IKZF3: variants seen among roughly 807,000 people sequenced by gnomAD.
IKZF3 encodes zinc finger protein Aiolos.
Under a neutral mutation model 49.0 loss-of-function variants are expected in IKZF3, and 10 were observed. The ratio of observed to expected loss-of-function variants is 0.20; its 90% CI spans 0.13 to 0.35. The LOEUF (loss-of-function observed/expected upper bound fraction) is 0.35, where lower values mean the gene tolerates loss of function less well. IKZF3 is among the 10% of genes least tolerant of loss of function. The probability of loss-of-function intolerance (pLI) is 1.00; values close to 1 mark genes in which losing one functional copy is unlikely to be tolerated. For synonymous variants in IKZF3, 209 were observed against 228.2 expected (o/e 0.92, Z 0.76); for missense variants, 498 against 664.8 (o/e 0.75, Z 2.76).
Position 39,791,608 on chromosome 17 carries a change from T to C in IKZF3, c.425-25A>G, listed in dbSNP as rs759424332. On this transcript the variant is annotated intron_variant, in intron 4 of 7. Transcript: ENST00000346872. ...CCTTTAAAAAGGACAAAAAAGGAGA[T>C]TTCTGGTCACAGGCAAGTGGAGAAA... 5.6e-6 allele frequency: 9 copies of C among 1,612,394 alleles called. No individual in the cohort carries two copies. In the South Asian group the frequency reaches 8.8e-5, roughly 16 times the overall value.
chr17:39,798,773 G>A (rs34872040), intron 3 of IKZF3, among the ~76,000 whole-genome samples: 2,985 of 152,144 alleles, frequency 0.02, 101 homozygotes, highest in African/African-American at 0.069. Flanking sequence ...CCAAAGTGCT[G>A]GGATTACAGG....
At chr17:39,836,031 AG>A in intron 1 of IKZF3, 1 of 635,750 alleles carries the variant, frequency 1.6e-6, no homozygotes, top group Non-Finnish European at 2.9e-6. Flanking sequence ...CTGCTGCCGC[AG>A]GAGGCTCTAC....
intron 3 of IKZF3, among the ~76,000 whole-genome samples, chr17:39,826,197 C>G (rs2061951967): frequency 6.6e-6 from 1 of 152,174 alleles, no homozygotes; most frequent in South Asian, 2.1e-4. Flanking sequence ...CATATGCCAC[C>G]ATGCCTAGCT....
At chr17:39,852,959 AG>A (rs1386594109) in intron 1 of IKZF3, among the ~76,000 whole-genome samples, 1 of 152,048 alleles carries the variant, frequency 6.6e-6, no homozygotes, top group Non-Finnish European at 1.5e-5. Context: ...TGACAGAGTG[AG>A]ACTACATCTC....
rs905195326 is a variant in IKZF3, at chr17:39,864,233, G to A, written c.-107C>T. ...GCAGCTGGCGGGAGATTCCCGGCGCGGGGAGTCCCCGGGATCCGGCAGCCG... is the reference window on the plus strand; with the variant it reads ...GCAGCTGGCGGGAGATTCCCGGCGCAGGGAGTCCCCGGGATCCGGCAGCCG... On this transcript the variant is annotated 5_prime_UTR_variant, in exon 1 of 8. Coordinates refer to ENST00000346872, the MANE Select transcript of IKZF3 (RefSeq NM_012481.5). The A allele has an allele frequency of 3.9e-5, 52 of 1,347,032 alleles. No individual in the cohort carries two copies. In the African/African-American group the frequency reaches 7.0e-4, roughly 18 times the overall value. 83.4% of individuals were successfully genotyped at this position (1,347,032 alleles called of 1,614,324 possible).
rs2062046704 is a variant in IKZF3, at chr17:39,829,414, G to T, written c.136C>A (p.Pro46Thr). ...CCTATGTCTTCATCTTCATTGGCTG[G>T]GCCTTCTCCACTGTCCACATTTTCC... Reference protein sequence around the residue: ...EMENVDSGEGPANEDEDIGDD... With the variant: ...EMENVDSGEGTANEDEDIGDD... Residue 46 changes from proline to threonine, a missense_variant, in exon 3 of 8, where the codon CCA becomes ACA. By Grantham distance (38) the Pro-to-Thr change is conservative. Around this residue, in one of 3 missense-constraint regions of IKZF3, gnomAD observed 97 missense variants for 98.9 expected, o/e 0.98. Coordinates refer to ENST00000346872, the MANE Select transcript of IKZF3 (RefSeq NM_012481.5). The T allele has an allele frequency of 6.2e-7, 1 of 1,613,492 alleles. No individual in the cohort carries two copies. Among genetic ancestry groups the T allele is most frequent in the Admixed American group, 1.7e-5 (1 of 59,984 alleles).
chr17:39,852,427 G>C (rs1453476280), intron 1 of IKZF3, among the ~76,000 whole-genome samples: 2 of 152,096 alleles, frequency 1.3e-5, no homozygotes, highest in Admixed American at 6.5e-5. Context: ...CACACTCTTT[G>C]TCCTTATCTT....
intron 1 of IKZF3, among the ~76,000 whole-genome samples, chr17:39,838,647 G>T (rs956335723): frequency 6.6e-6 from 1 of 151,946 alleles, no homozygotes; most frequent in African/African-American, 2.4e-5. Flanking sequence ...GTTCTTGTCT[G>T]CCAGTTCCAT....
chr17:39,790,661 GA>G (rs1333582708), intron 5 of IKZF3, among the ~76,000 whole-genome samples: 1 of 151,362 alleles, frequency 6.6e-6, no homozygotes, highest in Admixed American at 6.6e-5. Flanking sequence ...TCTAAATCTT[GA>G]AAAAAAAGTA....
chr17:39,850,936 CGTGT>C (rs1568065555), intron 1 of IKZF3, among the ~76,000 whole-genome samples: 3 of 128,150 alleles, frequency 2.3e-5, no homozygotes, highest in Non-Finnish European at 4.7e-5. Flanking sequence ...ATTATATATA[CGTGT>C]ATATATTATA....
intron 1 of IKZF3, among the ~76,000 whole-genome samples, chr17:39,853,600 C>T (rs913690061): frequency 8.5e-5 from 13 of 152,116 alleles, no homozygotes; most frequent in African/African-American, 2.9e-4. Context: ...CTTTGGGAGG[C>T]CAAGGCAGGT....
At chr17:39,797,324 C>A (rs1381139076) in intron 3 of IKZF3, among the ~76,000 whole-genome samples, 1 of 152,182 alleles carries the variant, frequency 6.6e-6, no homozygotes, top group African/African-American at 2.4e-5. Context: ...AGATTCAGAG[C>A]CTTTTTGTAT....
intron 6 of IKZF3, among the ~76,000 whole-genome samples, chr17:39,786,522 G>A (rs2060878963): frequency 6.6e-6 from 1 of 152,194 alleles, no homozygotes; most frequent in African/African-American, 2.4e-5. Context: ...CTGCCATGAA[G>A]CATGCCACTT....
chr17:39,861,330 G>A (rs909070158), intron 1 of IKZF3, among the ~76,000 whole-genome samples: 3 of 152,192 alleles, frequency 2.0e-5, no homozygotes, highest in African/African-American at 4.8e-5. Context: ...AAGGCACTAG[G>A]AGGAGGTCAT....
chr17:39,785,384 T>C (rs756048647), intron 6 of IKZF3, among the ~76,000 whole-genome samples: 1 of 152,184 alleles, frequency 6.6e-6, no homozygotes, highest in Non-Finnish European at 1.5e-5. Flanking sequence ...AGTTAACCCT[T>C]TATCTTTTTT....
At chr17:39,826,292 C>T (rs1256642316) in intron 3 of IKZF3, among the ~76,000 whole-genome samples, 1 of 152,202 alleles carries the variant, frequency 6.6e-6, no homozygotes, top group Non-Finnish European at 1.5e-5. Context: ...ATCCTCCTGC[C>T]TTGGCCTCCC....
chr17:39,844,090 C>T (rs764192074), intron 1 of IKZF3, among the ~76,000 whole-genome samples: 13 of 152,138 alleles, frequency 8.5e-5, no homozygotes, highest in Non-Finnish European at 1.5e-4. Flanking sequence ...ACACTTCAGT[C>T]CCCCCTAACA....
chr17:39,766,378 A>G lies in IKZF3; in HGVS notation c.942T>C (p.Tyr314=). The G allele has an allele frequency of 6.2e-7, 1 of 1,614,168 alleles. No homozygotes were observed. Among genetic ancestry groups the G allele is most frequent in the Non-Finnish European group, 8.5e-7 (1 of 1,180,018 alleles). Residue 314 remains tyrosine (Y), a synonymous_variant, in exon 8 of 8, where the codon TAT becomes TAC. Coordinates refer to ENST00000346872, the MANE Select transcript of IKZF3 (RefSeq NM_012481.5). The stretch of plus-strand genomic sequence containing the variant: ...AGGGGCGCAGGGCTTCGGCGCCAAG[A>G]TAGCTGATGGCGTTATTGATGGCTT... The part of the protein sequence containing the change: ...MDQAINNAIS[Y]LGAEALRPLV...
At chr17:39,793,522 T>C (rs76303307) in intron 3 of IKZF3, among the ~76,000 whole-genome samples, 1,674 of 152,284 alleles carry the variant, frequency 0.011, 43 homozygotes, top group African/African-American at 0.039. Flanking sequence ...AGGCACAACA[T>C]TGACTGTAGA....
Sources: gnomAD v4.1 joint callset for allele counts (sites outside exome capture counted in the v4.1 genomes callset) on GRCh38, gnomAD v4.1.1 for gene constraint, gnomAD v4.1.1 regional missense constraint, MANE v1.5 for transcripts, NCBI Gene and HGNC (gene_info 2026-07-23, HGNC 2026-07-21) for gene names.